SEMA3C: variants seen among roughly 807,000 people sequenced by gnomAD.
SEMA3C encodes semaphorin 3C.
SEMA3C carries 47 observed loss-of-function variants against 89.4 expected under a neutral mutation model. The observed-to-expected ratio is 0.53, with a 90% CI of 0.42 to 0.67. The LOEUF is 0.67. SEMA3C is among the 30% of genes least tolerant of loss of function. The pLI is 0.00. For missense variants in SEMA3C, 839 were observed against 929.1 expected, an observed-to-expected ratio of 0.90 and a Z score of 1.26; for synonymous variants, 310 against 320.2, an observed-to-expected ratio of 0.97 and a Z score of 0.34.
chr7:80,891,766 T>G (rs566570815), intron 2 of SEMA3C, among the ~76,000 whole-genome samples: 1 of 152,268 alleles, frequency 6.6e-6, no homozygotes, highest in South Asian at 2.1e-4. Flanking sequence ...GACTAGTGAT[T>G]TCGTTCTCTT....
chr7:80,875,158 T>C (rs1791171775), intron 2 of SEMA3C, among the ~76,000 whole-genome samples: 1 of 151,822 alleles, frequency 6.6e-6, no homozygotes, highest in South Asian at 2.1e-4. Context: ...GAGGAATAAA[T>C]TAGATTGTAC....
chr7:80,908,167 T>C (rs773319962), intron 2 of SEMA3C, among the ~76,000 whole-genome samples: 8 of 152,116 alleles, frequency 5.3e-5, no homozygotes, highest in Admixed American at 3.3e-4. Flanking sequence ...TAAACTGTGA[T>C]CACATATATT....
intron 2 of SEMA3C, among the ~76,000 whole-genome samples, chr7:80,870,438 T>C (rs948532572): frequency 2.6e-5 from 4 of 152,218 alleles, no homozygotes; most frequent in Admixed American, 2.0e-4. Flanking sequence ...AAATCAAACC[T>C]TGGGCATGCT....
At chr7:80,852,563 T>G (rs1307894307) in intron 2 of SEMA3C, among the ~76,000 whole-genome samples, 1 of 152,088 alleles carries the variant, frequency 6.6e-6, no homozygotes, top group South Asian at 2.1e-4. Flanking sequence ...GAGAAAATAT[T>G]TGCAGACTAT....
intron 4 of SEMA3C, among the ~76,000 whole-genome samples, chr7:80,824,382 G>A (rs1249023682): frequency 6.6e-6 from 1 of 152,102 alleles, no homozygotes; most frequent in African/African-American, 2.4e-5. Flanking sequence ...CAGTTGGAAC[G>A]AGTTCACGTG....
At position 80,788,732 on chromosome 7, in the gene SEMA3C, A is replaced by G. The variant is rs192122863; in HGVS notation, c.1354+574T>C. On this transcript the variant is annotated intron_variant, in intron 12 of 17. Coordinates refer to ENST00000265361, the MANE Select transcript of SEMA3C (RefSeq NM_006379.5). ...ACCTGTCTATATTTGAGTCACATTC[A>G]CTTCCAAATGTTATATTGAGTATGT... Among the ~76,000 whole-genome samples the G allele has an allele frequency of 2.2e-3, 331 of 152,274 alleles. 1 individual carries two copies. The highest frequency in any genetic ancestry group is 4.2e-3 in the Non-Finnish European group (287 of 68,026).
chr7:80,867,927 A>C (rs1790966664), intron 2 of SEMA3C, among the ~76,000 whole-genome samples: 1 of 152,226 alleles, frequency 6.6e-6, no homozygotes, highest in South Asian at 2.1e-4. Context: ...ACCAGAAAGC[A>C]TATGCTCTGT....
chr7:80,888,582 T>C (rs1436414716), intron 2 of SEMA3C, among the ~76,000 whole-genome samples: 1 of 152,130 alleles, frequency 6.6e-6, no homozygotes, highest in Non-Finnish European at 1.5e-5. Context: ...ACATAAAATA[T>C]CTATCTACAT....
At chr7:80,823,327 C>T (rs1789797387) in intron 4 of SEMA3C, among the ~76,000 whole-genome samples, 1 of 152,134 alleles carries the variant, frequency 6.6e-6, no homozygotes, top group Admixed American at 6.6e-5. Flanking sequence ...CCAAGATGTA[C>T]AGAAAGTTTA....
Position 80,785,787 on chromosome 7 carries a change from T to C in SEMA3C, c.1354+3519A>G, listed in dbSNP as rs552945022. ...CCATGCCGGGATAATTTTGTATTTT[T>C]AGTAGAGATGGGGTTTCTCCATGCT... On this transcript the variant is annotated intron_variant, in intron 12 of 17. Transcript: ENST00000265361. Among the ~76,000 whole-genome samples the C allele has an allele frequency of 4.6e-5, 7 of 152,310 alleles. No homozygotes were observed. In the South Asian group the frequency reaches 1.4e-3, roughly 32 times the overall value.
chr7:80,813,877 T>C (rs1789532578), intron 5 of SEMA3C, among the ~76,000 whole-genome samples: 1 of 152,194 alleles, frequency 6.6e-6, no homozygotes, highest in Admixed American at 6.5e-5. Flanking sequence ...CGTCAATTAT[T>C]GCATTGAAAC....
chr7:80,887,871 T>C (rs1427900568), intron 2 of SEMA3C, among the ~76,000 whole-genome samples: 1 of 152,170 alleles, frequency 6.6e-6, no homozygotes, highest in East Asian at 1.9e-4. Flanking sequence ...TTATATTATC[T>C]TAGACATCTC....
intron 11 of SEMA3C, among the ~76,000 whole-genome samples, chr7:80,796,961 C>A (rs1401696823): frequency 6.6e-6 from 1 of 151,436 alleles, no homozygotes; most frequent in Admixed American, 6.6e-5. Flanking sequence ...AACAATATTG[C>A]AAATAAACTC....
intron 2 of SEMA3C, among the ~76,000 whole-genome samples, chr7:80,910,026 ATAT>A (rs1235188960): frequency 6.6e-6 from 1 of 152,162 alleles, no homozygotes; most frequent in East Asian, 1.9e-4. Flanking sequence ...GTTAATACTC[ATAT>A]TAATAGCCTT....
At chr7:80,798,033 T>C (rs1373425963) in intron 11 of SEMA3C, 59 bp downstream of exon 11, 2 of 1,510,334 alleles carry the variant, frequency 1.3e-6, no homozygotes, top group Non-Finnish European at 1.8e-6. Context: ...AGATATTCAT[T>C]ACCTGTTAAA....
rs746102070 is a variant in SEMA3C, at chr7:80,828,712, C to T, written c.137G>A (p.Ser46Asn). 6.2e-7 allele frequency: 1 copy of T among 1,610,688 alleles called. No homozygotes were observed. The highest frequency in any genetic ancestry group is 1.1e-5 in the South Asian group (1 of 90,642). The part of the protein sequence containing the change: ...LRETKTSEYF[S>N]LSHHPLDYRI... ...GTAGTCTAAAGGATGGTGGGAAAGGCTGAAGTATTCAGAGGTCTTGGTTTC... is the reference window on the plus strand; with the variant it reads ...GTAGTCTAAAGGATGGTGGGAAAGGTTGAAGTATTCAGAGGTCTTGGTTTC... The change falls in exon 3 of 18, where the codon AGC becomes AAC. Residue 46 changes from serine to asparagine, a missense_variant. Transcript: ENST00000265361.
intron 2 of SEMA3C, among the ~76,000 whole-genome samples, chr7:80,873,029 AC>A (rs1407513821): frequency 6.6e-6 from 1 of 152,002 alleles, no homozygotes; most frequent in Non-Finnish European, 1.5e-5. Context: ...GGATCCCCAG[AC>A]CACGCTTTGA....
chr7:80,888,323 A>G (rs926155245), intron 2 of SEMA3C, among the ~76,000 whole-genome samples: 5 of 151,704 alleles, frequency 3.3e-5, no homozygotes, highest in Non-Finnish European at 7.4e-5. Flanking sequence ...CCGAGGCAGG[A>G]GGATTACCTG....
At chr7:80,911,457 C>T (rs1203535718) in intron 2 of SEMA3C, among the ~76,000 whole-genome samples, 2 of 152,018 alleles carry the variant, frequency 1.3e-5, no homozygotes, top group Admixed American at 6.6e-5. Context: ...TAAGTAACAT[C>T]GTTTTATCAA....
Sources: gnomAD v4.1 joint callset for allele counts (sites outside exome capture counted in the v4.1 genomes callset) on GRCh38, gnomAD v4.1.1 for gene constraint, MANE v1.5 for transcripts, NCBI Gene and HGNC (gene_info 2026-07-23, HGNC 2026-07-21) for gene names.